The following SLC6A15 variants were observed in gnomAD, a reference collection of about 807,000 sequenced individuals.
SLC6A15 encodes the protein sodium-dependent neutral amino acid transporter B(0)AT2.
SLC6A15 carries 33 observed loss-of-function variants against 68.5 expected under a neutral mutation model. The ratio of observed to expected loss-of-function variants is 0.48; its 90% CI spans 0.37 to 0.64. The LOEUF is 0.64. Among genes scored for constraint, SLC6A15 ranks in the 30% least tolerant of loss-of-function variants. The pLI is 0.00. For synonymous variants in SLC6A15, 347 were observed against 301.0 expected (o/e 1.15, Z -1.58); for missense variants, 747 against 874.3 (o/e 0.85, Z 1.84).
rs1321851167 is a variant in SLC6A15 at position 84,860,311 on chromosome 12, T to C, written c.*1321A>G. 1 of 152,154 alleles carries C rather than the reference T, an allele frequency of 6.6e-6. No individual in the cohort carries two copies. The highest frequency in any genetic ancestry group is 1.5e-5 in the Non-Finnish European group (1 of 67,966). 9.4% of individuals were successfully genotyped at this position (152,154 alleles called of 1,614,324 possible). A position where few individuals can be genotyped will look rare whatever the true frequency, so the allele number is the denominator to read the frequency against. On this transcript the variant is annotated 3_prime_UTR_variant, in exon 12 of 12. Transcript: ENST00000266682. ...TAGAGGACACTCAGTGAGGTTCCTC[T>C]GCTCTATCCAATTTCATATATACAA...
At chr12:84,869,424 T>C (rs557322039) in intron 9 of SLC6A15, among the ~76,000 whole-genome samples, 3 of 133,662 alleles carry the variant, frequency 2.2e-5, no homozygotes, top group East Asian at 2.1e-4. Context: ...ATCGCACTAC[T>C]GCTGCACTCC....
At chr12:84,894,197 T>C (rs1435754858) in intron 1 of SLC6A15, among the ~76,000 whole-genome samples, 2 of 152,172 alleles carry the variant, frequency 1.3e-5, no homozygotes, top group Non-Finnish European at 2.9e-5. Flanking sequence ...AATTTCTAGA[T>C]GGTATTTGCT....
At chr12:84,904,224 G>GGA (rs370457657) in intron 1 of SLC6A15, among the ~76,000 whole-genome samples, 13,717 of 121,920 alleles carry the variant, frequency 0.11, 783 homozygotes, top group South Asian at 0.19. Flanking sequence ...GGGCGGAGGG[G>GGA]GAGAGAGAGA....
intron 1 of SLC6A15, among the ~76,000 whole-genome samples, chr12:84,910,136 A>C (rs75268061): frequency 0.04 from 6,104 of 152,248 alleles, 387 homozygotes; most frequent in African/African-American, 0.13. Context: ...TATAAAAATA[A>C]CTTTCTTAAT....
intron 5 of SLC6A15, among the ~76,000 whole-genome samples, chr12:84,880,082 A>C (rs1871750745): frequency 6.6e-6 from 1 of 152,196 alleles, no homozygotes; most frequent in East Asian, 1.9e-4. Context: ...ACTCTAACAC[A>C]GTTTCCTAAT....
chr12:84,885,665 T>G, intron 3 of SLC6A15, 104 bp from the exon 4 acceptor site: 1 of 1,259,608 alleles, frequency 7.9e-7, no homozygotes, highest in Non-Finnish European at 1.1e-6. Context: ...ATCCTCTTCA[T>G]TTTATTATTT....
Position 84,872,615 on chromosome 12 carries a change from T to A in SLC6A15, c.1289A>T (p.Glu430Val). The change falls in exon 8 of 12, where the codon GAA (glutamate) becomes GTA (valine). Residue 430 changes from glutamate to valine, a missense_variant. Physicochemically the swap from Glu to Val is moderately radical, Grantham distance 121. Transcript: ENST00000266682. ...ALHLNSCKIE[E>V]ELNKAVQGTG... ...TGGCTTACTAACTTTATTTAGCTCT[T>A]CTTCAATTTTACAGGAATTGAGATG... 6.2e-7 allele frequency: 1 copy of A among 1,607,810 alleles called. No homozygotes were observed. Among genetic ancestry groups the A allele is most frequent in the Non-Finnish European group, 8.5e-7 (1 of 1,178,442 alleles).
rs1470499049 is a variant in SLC6A15, at chr12:84,885,798, A to C, written c.447+113T>G. 8 of 1,168,348 alleles carry C rather than the reference A, an allele frequency of 6.8e-6. No homozygotes were observed. In the Admixed American group the frequency reaches 1.3e-4, roughly 18 times the overall value. The allele number at this position is 1,168,348 out of a possible 1,614,324, so 72.4% of individuals were successfully genotyped here. ...CCATATGCCAGTAACGTTTTCTAAA[A>C]CATAGTAAAAGAGTTGTTTATTAAC... On this transcript the variant is annotated intron_variant, in intron 3 of 11. Coordinates refer to ENST00000266682, the MANE Select transcript of SLC6A15 (RefSeq NM_182767.6).
At chr12:84,862,158 A>C in intron 11 of SLC6A15, 152 bp from the exon 12 acceptor site, 1 of 706,566 alleles carries the variant, frequency 1.4e-6, no homozygotes. Flanking sequence ...GACACTCAGC[A>C]ACTTCCAAGA....
intron 2 of SLC6A15, among the ~76,000 whole-genome samples, chr12:84,891,439 T>A (rs1268152191): frequency 6.6e-6 from 1 of 152,178 alleles, no homozygotes; most frequent in Admixed American, 6.5e-5. Context: ...AATTAATAAA[T>A]CACGGAGAGA....
At chr12:84,910,214 T>C (rs1178233380) in intron 1 of SLC6A15, among the ~76,000 whole-genome samples, 1 of 152,084 alleles carries the variant, frequency 6.6e-6, no homozygotes, top group Admixed American at 6.5e-5. Flanking sequence ...ATCAACTATA[T>C]AATGTGCAAT....
At chr12:84,883,748 G>A (rs1871940116) in intron 5 of SLC6A15, 111 bp downstream of exon 5, 1 of 1,611,996 alleles carries the variant, frequency 6.2e-7, no homozygotes, top group Non-Finnish European at 8.5e-7. Flanking sequence ...TAACTACCTA[G>A]AATGAAGTGT....
At chr12:84,891,809 TA>T (rs1288639425) in intron 2 of SLC6A15, 22 bp downstream of exon 2, 1 of 1,587,320 alleles carries the variant, frequency 6.3e-7, no homozygotes, top group Admixed American at 1.8e-5. Context: ...TACAGTAATT[TA>T]TCACTTAAAA....
At chr12:84,876,693 G>T in intron 5 of SLC6A15, 86 bp from the exon 6 acceptor site, 1 of 576,868 alleles carries the variant, frequency 1.7e-6, no homozygotes, top group Non-Finnish European at 3.0e-6. Flanking sequence ...TCTGTACTTT[G>T]ACAGTCACTG....
At chr12:84,901,240 G>T (rs1747557891) in intron 1 of SLC6A15, among the ~76,000 whole-genome samples, 1 of 151,360 alleles carries the variant, frequency 6.6e-6, no homozygotes, top group Admixed American at 6.6e-5. Context: ...TGGGCTTGGG[G>T]TTTTCTTTCT....
chr12:84,891,856 A>G lies in SLC6A15; in HGVS notation c.265T>C (p.Tyr89His). 6.2e-7 allele frequency: 1 copy of G among 1,613,794 alleles called. No homozygotes were observed. The highest frequency in any genetic ancestry group is 8.5e-7 in the Non-Finnish European group (1 of 1,179,774). ...CCGCCCCCATTCTTCTGACATAGGT[A>G]TGGAAATCGCCACACATTTCCTAAA... ...VGLGNVWRFP[Y>H]LCQKNGGGAY... Residue 89 changes from tyrosine (Y) to histidine (H), a missense_variant, in exon 2 of 12, where the codon TAC becomes CAC. Transcript: ENST00000266682.
rs145111717 is a variant in SLC6A15, at chr12:84,861,773, C to A, written c.2052G>T (p.Glu684Asp). The A allele has an allele frequency of 2.5e-3, 3,956 of 1,613,984 alleles. 3 individuals are homozygous for A. Among genetic ancestry groups the A allele is most frequent in the Non-Finnish European group, 3.0e-3 (3,587 of 1,179,930 alleles). Residue 684 changes from glutamate (E) to aspartate (D), a missense_variant, in exon 12 of 12, where the codon GAG becomes GAT. Physicochemically the swap from Glu to Asp is conservative, Grantham distance 45. Transcript: ENST00000266682. ...TTTTACCAAAATTTGGAGATGGCAT[C>A]TCGCTCGGTATTTTTCCGTGAATGA... ...TSLIHGKIPS[E>D]MPSPNFGKNI...
chr12:84,870,416 C>T, intron 9 of SLC6A15, 62 bp downstream of exon 9: 1 of 1,231,514 alleles, frequency 8.1e-7, no homozygotes. Context: ...CATCTCTAAT[C>T]TTTCACCAAG....
intron 5 of SLC6A15, 128 bp downstream of exon 5, chr12:84,883,731 T>C (rs180894650): frequency 6.4e-5 from 103 of 1,600,184 alleles, no homozygotes; most frequent in Non-Finnish European, 8.1e-5. Context: ...CACTTTTCAC[T>C]AATATTTAAC....
Sources: gnomAD v4.1 joint callset for allele counts (sites outside exome capture counted in the v4.1 genomes callset) on GRCh38, gnomAD v4.1.1 for gene constraint, MANE v1.5 for transcripts, NCBI Gene and HGNC (gene_info 2026-07-23, HGNC 2026-07-21) for gene names.